Variants in LTBP1 observed in about 807,000 individuals in gnomAD.
LTBP1 encodes the protein latent transforming growth factor beta binding protein 1, also known as latent-transforming growth factor beta-binding protein 1.
A neutral mutation model predicts 207.6 loss-of-function variants in LTBP1; 129 were observed. That is an observed-to-expected ratio of 0.62 (90% CI 0.54 to 0.72). The LOEUF (loss-of-function observed/expected upper bound fraction) is 0.72, where lower values mean the gene tolerates loss of function less well. LTBP1 is among the 30% of genes least tolerant of loss of function. The pLI, the probability that LTBP1 is intolerant of heterozygous loss-of-function variation, is 0.00. For synonymous variants in LTBP1, 963 were observed against 833.7 expected, an observed-to-expected ratio of 1.16 and a Z score of -2.67; for missense variants, 2,281 against 2,217.2, an observed-to-expected ratio of 1.03 and a Z score of -0.58.
chr2:33,238,149 C>G (rs79311593), intron 9 of LTBP1, among the ~76,000 whole-genome samples: 2,249 of 152,270 alleles, frequency 0.015, 23 homozygotes, highest in East Asian at 0.026. Flanking sequence ...GGAAGGCATA[C>G]TGCTAATGGA....
At chr2:33,264,311 T>G (rs2093114403) in intron 15 of LTBP1, among the ~76,000 whole-genome samples, 1 of 151,064 alleles carries the variant, frequency 6.6e-6, no homozygotes, top group African/African-American at 2.4e-5. Context: ...ACTTTTAAAA[T>G]TTCTACAAAC....
chr2:33,398,508 C>A lies in LTBP1; in HGVS notation c.5129C>A (p.Thr1710Asn), dbSNP rs761982545. ...CCAAACTACTGCACTCCGTTGAATACCGCCTTGAATTTAGAGAAAGACAGT... is the reference window on the plus strand; with the variant it reads ...CCAAACTACTGCACTCCGTTGAATAACGCCTTGAATTTAGAGAAAGACAGT... ...DKPNYCTPLN[T>N]ALNLEKDSDL... is the part of the protein sequence containing the mutation. Residue 1710 changes from threonine to asparagine, a missense_variant, in exon 34 of 34, where the codon ACC (threonine) becomes AAC (asparagine). This residue lies in a region of LTBP1 where 1,671 missense variants were observed against 1,634.8 expected (regional missense o/e 1.02). Coordinates refer to ENST00000404816, the MANE Select transcript of LTBP1 (RefSeq NM_206943.4). 1.9e-6 allele frequency: 3 copies of A among 1,614,146 alleles called. No individual in the cohort carries two copies. Among genetic ancestry groups the A allele is most frequent in the Non-Finnish European group, 2.5e-6 (3 of 1,179,984 alleles).
chr2:33,139,064 T>C (rs1327101996), intron 5 of LTBP1, among the ~76,000 whole-genome samples: 1 of 151,624 alleles, frequency 6.6e-6, no homozygotes, highest in African/African-American at 2.4e-5. Flanking sequence ...TTCACCGTGT[T>C]AGCCAGGATG....
intron 2 of LTBP1, among the ~76,000 whole-genome samples, chr2:33,014,987 T>A (rs536284198): frequency 2.0e-5 from 3 of 152,056 alleles, no homozygotes; most frequent in South Asian, 2.1e-4. Context: ...GGTGGCAGTT[T>A]TGGCCACTTT....
chr2:33,335,925 C>T (rs1209308186), intron 24 of LTBP1, among the ~76,000 whole-genome samples: 2 of 152,118 alleles, frequency 1.3e-5, no homozygotes, highest in Non-Finnish European at 2.9e-5. Flanking sequence ...GGGCCATTTT[C>T]TTCTTATGAA....
intron 4 of LTBP1, among the ~76,000 whole-genome samples, chr2:33,131,438 T>C (rs2081784488): frequency 6.6e-6 from 1 of 152,188 alleles, no homozygotes; most frequent in Non-Finnish European, 1.5e-5. Flanking sequence ...ACCCTAAATA[T>C]GTGGGAATGA....
At chr2:33,187,235 G>A (rs141247547) in intron 6 of LTBP1, among the ~76,000 whole-genome samples, 155 bp downstream of exon 6, 7 of 152,262 alleles carry the variant, frequency 4.6e-5, no homozygotes, top group African/African-American at 1.4e-4. Context: ...CAGAATGTGG[G>A]CCCAGGTATG....
intron 2 of LTBP1, among the ~76,000 whole-genome samples, chr2:32,961,094 A>T (rs1679034879): frequency 6.6e-6 from 1 of 152,222 alleles, no homozygotes; most frequent in Non-Finnish European, 1.5e-5. Context: ...TATCTTACGT[A>T]GAAAATTCAT....
chr2:33,200,291 C>T (rs1006271723), intron 7 of LTBP1, among the ~76,000 whole-genome samples: 3 of 152,052 alleles, frequency 2.0e-5, no homozygotes, highest in Non-Finnish European at 2.9e-5. Context: ...TAAATCAATG[C>T]AACAGAACAG....
At position 33,034,253 on chromosome 2, in the gene LTBP1, C is replaced by G. The variant is rs564955003; in HGVS notation, c.863+13047C>G. On this transcript the variant is annotated intron_variant, in intron 3 of 33. Transcript: ENST00000404816. ...TAAAAAAAAAAAAAAGGCTAAAATG[C>G]ATTTATTTCTCAGACTTCTTTAGAA... Among the ~76,000 whole-genome samples, 387 of 149,432 alleles carry G rather than the reference C, an allele frequency of 2.6e-3. 1 individual carries two copies. Among genetic ancestry groups the G allele is most frequent in the Middle Eastern group, 0.018 (5 of 284 alleles).
At chr2:33,376,127 C>T (rs1044724906) in intron 31 of LTBP1, among the ~76,000 whole-genome samples, 1 of 152,152 alleles carries the variant, frequency 6.6e-6, no homozygotes, top group Admixed American at 6.5e-5. Context: ...ATTTAATTAG[C>T]TCTTATAAGT....
chr2:33,091,077 G>A (rs1469640933), intron 3 of LTBP1, among the ~76,000 whole-genome samples: 2 of 152,226 alleles, frequency 1.3e-5, no homozygotes, highest in Non-Finnish European at 2.9e-5. Context: ...CTGGGTAGCA[G>A]CACTTTTGTG....
chr2:33,223,592 A>G (rs1269692603), intron 9 of LTBP1, among the ~76,000 whole-genome samples: 2 of 152,216 alleles, frequency 1.3e-5, no homozygotes, highest in Non-Finnish European at 2.9e-5. Context: ...AGATTTTAAG[A>G]TGCATGTTTT....
At chr2:33,261,804 C>A (rs1225562342) in intron 13 of LTBP1, among the ~76,000 whole-genome samples, 1 of 152,128 alleles carries the variant, frequency 6.6e-6, no homozygotes, top group Non-Finnish European at 1.5e-5. Flanking sequence ...GATGAGATAT[C>A]CAGGCAGACT....
chr2:33,184,298 C>T (rs370655442), intron 5 of LTBP1, among the ~76,000 whole-genome samples: 3 of 152,122 alleles, frequency 2.0e-5, no homozygotes, highest in Non-Finnish European at 2.9e-5. Context: ...GAATAAAACC[C>T]AAAGCCCTTA....
chr2:33,380,303 G>T (rs2095197275), intron 31 of LTBP1, among the ~76,000 whole-genome samples: 1 of 151,960 alleles, frequency 6.6e-6, no homozygotes. Context: ...CAGGCCAGAT[G>T]CAGTGGCTCA....
chr2:33,364,908 G>C (rs1285617019), intron 30 of LTBP1, among the ~76,000 whole-genome samples: 3 of 152,232 alleles, frequency 2.0e-5, no homozygotes, highest in African/African-American at 7.2e-5. Context: ...CTAGGATGAA[G>C]GGTCACTAGT....
At chr2:33,296,868 T>C (rs2093887024) in intron 20 of LTBP1, among the ~76,000 whole-genome samples, 1 of 152,160 alleles carries the variant, frequency 6.6e-6, no homozygotes, top group South Asian at 2.1e-4. Context: ...GCAATAATGG[T>C]ACCTGCTAGA....
At chr2:33,135,057 C>A in intron 5 of LTBP1, 97 bp downstream of exon 5, 1 of 1,235,256 alleles carries the variant, frequency 8.1e-7, no homozygotes, top group Non-Finnish European at 1.1e-6. Flanking sequence ...CTGTCTGCTT[C>A]AATGGGTGTC....
Sources: allele counts gnomAD v4.1 joint callset (sites outside exome capture counted in the v4.1 genomes callset), GRCh38; gene constraint gnomAD v4.1.1; regional missense constraint gnomAD v4.1.1; transcripts MANE v1.5; gene names NCBI Gene and HGNC (gene_info 2026-07-23, HGNC 2026-07-21).